The following NDFIP2 variants were observed in gnomAD, a reference collection of about 807,000 sequenced individuals.
NDFIP2 encodes Nedd4 family interacting protein 2.
In NDFIP2, 19 loss-of-function variants were observed where a neutral mutation model predicts 36.0. The ratio of observed to expected loss-of-function variants is 0.53; its 90% CI spans 0.37 to 0.77. The LOEUF is 0.77. Among genes scored for constraint, NDFIP2 ranks in the 30% least tolerant of loss-of-function variants. The pLI, the probability that NDFIP2 is intolerant of heterozygous loss-of-function variation, is 0.00. For missense variants in NDFIP2, 446 were observed against 435.8 expected, an observed-to-expected ratio of 1.02 and a Z score of -0.21; for synonymous variants, 181 against 167.7, an observed-to-expected ratio of 1.08 and a Z score of -0.61.
In NDFIP2 at chr13:79,553,627, A is replaced by G. The variant is rs1158361058; in HGVS notation, c.*1114A>G. On this transcript the variant is annotated 3_prime_UTR_variant, in exon 8 of 8. Transcript: ENST00000218652. ...TTTATGACTTTAGGATTAACTTGTAAAAAACATATCCTGAACTGAGATATG... is the reference window on the plus strand; with the variant it reads ...TTTATGACTTTAGGATTAACTTGTAGAAAACATATCCTGAACTGAGATATG... The G allele has an allele frequency of 6.6e-6, 1 of 151,982 alleles. No individual in the cohort carries two copies. Among genetic ancestry groups the G allele is most frequent in the Non-Finnish European group, 1.5e-5 (1 of 67,534 alleles). The allele number at this position is 151,982 out of a possible 1,614,324, so 9.4% of individuals were successfully genotyped here.
chr13:79,520,996 T>A (rs1376088742), intron 2 of NDFIP2, 21 bp downstream of exon 2: 11 of 1,548,488 alleles, frequency 7.1e-6, no homozygotes, highest in Non-Finnish European at 9.6e-6. Flanking sequence ...TCTAGTAATG[T>A]TTTTATTAGT....
intron 1 of NDFIP2, among the ~76,000 whole-genome samples, chr13:79,482,180 T>C (rs867919805): frequency 6.8e-5 from 10 of 146,316 alleles, no homozygotes; most frequent in South Asian, 2.2e-4. Context: ...TTTTTTTTTT[T>C]TTTTTTTTTT....
At chr13:79,540,231 T>C (rs1382198504) in intron 4 of NDFIP2, among the ~76,000 whole-genome samples, 1 of 152,188 alleles carries the variant, frequency 6.6e-6, no homozygotes, top group African/African-American at 2.4e-5. Context: ...GACAGACAGT[T>C]ATGAAAGTAT....
intron 1 of NDFIP2, among the ~76,000 whole-genome samples, chr13:79,505,753 A>G (rs2140749290): frequency 6.6e-6 from 1 of 152,254 alleles, no homozygotes; most frequent in African/African-American, 2.4e-5. Flanking sequence ...GTTACAGCAA[A>G]AGGGCACTAT....
chr13:79,492,810 CT>C lies in NDFIP2; in HGVS notation c.321+11290del, dbSNP rs1873286257. On this transcript the variant is annotated intron_variant, in intron 1 of 7. Coordinates refer to ENST00000218652, the MANE Select transcript of NDFIP2 (RefSeq NM_019080.3). ...TTTGGCCATGTTTTAAACTATAATG[CT>C]TTTGTTTCTCTATCACCACCCCAAA... Among the ~76,000 whole-genome samples, 2 of 152,230 alleles carry C rather than the reference CT, an allele frequency of 1.3e-5. 1 individual carries two copies. The highest frequency in any genetic ancestry group is 1.3e-4 in the Admixed American group (2 of 15,274).
intron 1 of NDFIP2, among the ~76,000 whole-genome samples, chr13:79,505,091 G>A (rs1402518027): frequency 6.6e-6 from 1 of 152,140 alleles, no homozygotes; most frequent in Admixed American, 6.5e-5. Flanking sequence ...TTTAATTTGG[G>A]TTGAAGAAGC....
At chr13:79,530,319 G>T (rs961271036) in intron 2 of NDFIP2, among the ~76,000 whole-genome samples, 9 of 152,104 alleles carry the variant, frequency 5.9e-5, no homozygotes, top group Non-Finnish European at 1.3e-4. Flanking sequence ...GTCTCCCCAT[G>T]TTGCCCAGGC....
intron 2 of NDFIP2, among the ~76,000 whole-genome samples, chr13:79,528,763 G>A (rs868506939): frequency 2.8e-4 from 42 of 152,086 alleles, no homozygotes; most frequent in African/African-American, 9.2e-4. Context: ...GTTTGTAGTC[G>A]GTGAGCAATA....
intron 1 of NDFIP2, among the ~76,000 whole-genome samples, chr13:79,482,169 CTTTTTTTTTTTTTTT>C (rs10558361): frequency 1.3e-5 from 1 of 75,886 alleles, no homozygotes; most frequent in African/African-American, 4.9e-5. Context: ...TTCTTTCTTT[CTTTTTTTTTTTTTTT>C]TTTTTTTTTT....
At chr13:79,522,490 A>G (rs770647042) in intron 2 of NDFIP2, among the ~76,000 whole-genome samples, 1 of 152,174 alleles carries the variant, frequency 6.6e-6, no homozygotes, top group Non-Finnish European at 1.5e-5. Flanking sequence ...ACTACCCAAA[A>G]TATAATAGAG....
At chr13:79,508,645 C>T (rs1341849878) in intron 1 of NDFIP2, among the ~76,000 whole-genome samples, 1 of 152,146 alleles carries the variant, frequency 6.6e-6, no homozygotes, top group Non-Finnish European at 1.5e-5. Context: ...TGGGGTTTAG[C>T]CGGCTTCTTT....
At chr13:79,496,668 C>G in intron 1 of NDFIP2, among the ~76,000 whole-genome samples, 1 of 126,960 alleles carries the variant, frequency 7.9e-6, no homozygotes, top group Non-Finnish European at 1.7e-5. Context: ...CTCCAAATTC[C>G]ACATAAAAAA....
intron 1 of NDFIP2, among the ~76,000 whole-genome samples, chr13:79,505,352 C>T (rs958913200): frequency 1.1e-4 from 16 of 152,168 alleles, no homozygotes; most frequent in Admixed American, 3.9e-4. Flanking sequence ...AAGTAGTTGC[C>T]GGCGCAGCAG....
intron 3 of NDFIP2, among the ~76,000 whole-genome samples, chr13:79,538,263 A>G (rs746723827): frequency 2.0e-5 from 3 of 152,114 alleles, no homozygotes; most frequent in Non-Finnish European, 2.9e-5. Context: ...ATCGAACCAT[A>G]TAATTCTGTC....
chr13:79,533,038 A>T (rs1007528733), intron 2 of NDFIP2, among the ~76,000 whole-genome samples: 4 of 152,144 alleles, frequency 2.6e-5, no homozygotes, highest in African/African-American at 9.7e-5. Flanking sequence ...TGAGATTCTT[A>T]CTTCTCTTGT....
At chr13:79,525,798 G>A (rs893484329) in intron 2 of NDFIP2, among the ~76,000 whole-genome samples, 1 of 152,142 alleles carries the variant, frequency 6.6e-6, no homozygotes, top group Admixed American at 6.6e-5. Context: ...GATTGCAGTC[G>A]ACCTTGGGGT....
At chr13:79,485,501 G>C (rs970665079) in intron 1 of NDFIP2, among the ~76,000 whole-genome samples, 1 of 152,218 alleles carries the variant, frequency 6.6e-6, no homozygotes, top group Non-Finnish European at 1.5e-5. Context: ...GGAAAGAAGT[G>C]TTGCAGGCTC....
chr13:79,500,134 A>G (rs1873600070), intron 1 of NDFIP2, among the ~76,000 whole-genome samples: 1 of 151,590 alleles, frequency 6.6e-6, no homozygotes, highest in South Asian at 2.1e-4. Context: ...AGTCTTTTCA[A>G]CAAATGGTGC....
chr13:79,511,643 C>G (rs962300195), intron 1 of NDFIP2, among the ~76,000 whole-genome samples: 1 of 152,108 alleles, frequency 6.6e-6, no homozygotes, highest in African/African-American at 2.4e-5. Context: ...GCTCCCATTT[C>G]CATGAGGGAA....
Sources: gnomAD v4.1 joint callset for allele counts (sites outside exome capture counted in the v4.1 genomes callset) on GRCh38, gnomAD v4.1.1 for gene constraint, MANE v1.5 for transcripts, NCBI Gene and HGNC (gene_info 2026-07-23, HGNC 2026-07-21) for gene names.